Variants in SOD2 observed in about 807,000 individuals in gnomAD.
The protein encoded by SOD2 is superoxide dismutase [Mn], mitochondrial.
SOD2 carries 11 observed loss-of-function variants against 27.0 expected under a neutral mutation model. The observed-to-expected ratio is 0.41, with a 90% CI of 0.26 to 0.67. The LOEUF is 0.67. SOD2 is among the 30% of genes least tolerant of loss of function. SOD2 has a pLI of 0.34. For synonymous variants in SOD2, 105 were observed against 103.0 expected (o/e 1.02, Z -0.12); for missense variants, 250 against 274.5 (o/e 0.91, Z 0.63).
chr6:159,697,306 T>C (rs1777441302), upstream of SOD2, among the ~76,000 whole-genome samples: 1 of 151,810 alleles, frequency 6.6e-6, no homozygotes, highest in South Asian at 2.1e-4. Flanking sequence ...TTTTAAAATT[T>C]GGGGTCACAA....
intron 1 of SOD2, chr6:159,741,920 C>G (rs938978699): frequency 1.5e-5 from 8 of 533,750 alleles, no homozygotes; most frequent in Admixed American, 3.7e-5. Flanking sequence ...ACGCTGCACT[C>G]CAGCCTGGGG....
At chr6:159,724,334 C>T (rs759121385) in intron 1 of SOD2, among the ~76,000 whole-genome samples, 1 of 152,262 alleles carries the variant, frequency 6.6e-6, no homozygotes, top group South Asian at 2.1e-4. Context: ...TTCTCTCACA[C>T]ACTGCACATC....
chr6:159,702,654 C>CAAAAAAAAAAAAAAAAAAAAAAAAAA (rs750073120), intron 1 of SOD2, among the ~76,000 whole-genome samples: 4 of 39,854 alleles, frequency 1.0e-4, no homozygotes, highest in Non-Finnish European at 2.0e-4. Context: ...TCTATCTCTC[C>CAAAAAAAAAAAAAAAAAAAAAAAAAA]AAAAAAAAAA....
At chr6:159,695,695 C>T (rs1777410708), upstream of SOD2, among the ~76,000 whole-genome samples, 1 of 152,016 alleles carries the variant, frequency 6.6e-6, no homozygotes, top group Non-Finnish European at 1.5e-5. Flanking sequence ...AGAGTTTCTT[C>T]ATGTTGCCCA....
In SOD2 at chr6:159,713,244, C is replaced by T. The variant is rs1245272451; in HGVS notation, c.-116+13885G>A. 4.1e-5 allele frequency: 31 copies of T among 748,226 alleles called. No homozygotes were observed. The East Asian group carries it at 7.5e-4, about 18-fold the overall frequency. The allele number at this position is 748,226 out of a possible 1,614,324, so 46.3% of individuals were successfully genotyped here. A position where few individuals can be genotyped will look rare whatever the true frequency, so the allele number is the denominator to read the frequency against. ...AATCTATCAGACCTAAAGCCATATC[C>T]ATCATTACAGCCACGATAGTCATCA... On this transcript the variant is annotated intron_variant, in intron 1 of 2. Transcript: ENST00000401980.
At chr6:159,708,932 A>T (rs548430628) in intron 1 of SOD2, among the ~76,000 whole-genome samples, 1 of 152,324 alleles carries the variant, frequency 6.6e-6, no homozygotes, top group Non-Finnish European at 1.5e-5. Context: ...AGACCAATGG[A>T]ACAGAACAGA....
intron 1 of SOD2, chr6:159,739,115 G>A: frequency 8.0e-7 from 1 of 1,251,202 alleles, no homozygotes; most frequent in Non-Finnish European, 1.1e-6. Context: ...CACTGTAATT[G>A]TCTTTGTGCC....
chr6:159,732,884 ATAGT>A (rs1562452324), intron 1 of SOD2, among the ~76,000 whole-genome samples: 5 of 83,486 alleles, frequency 6.0e-5, no homozygotes, highest in South Asian at 5.4e-4. Context: ...GTATATATAT[ATAGT>A]GTGTGTGTGT....
upstream of SOD2, among the ~76,000 whole-genome samples, chr6:159,694,939 T>C (rs547381570): frequency 6.6e-6 from 1 of 151,382 alleles, no homozygotes; most frequent in East Asian, 1.9e-4. Flanking sequence ...AGAGCAGGGG[T>C]TTGATGTGAT....
chr6:159,685,078 C>T (rs5746128), intron 3 of SOD2, 45 bp from the exon 4 acceptor site: 2 of 1,436,094 alleles, frequency 1.4e-6, no homozygotes, highest in Admixed American at 2.4e-5. Context: ...GAACAGATTT[C>T]AATAATTACA....
chr6:159,743,645 A>T, intron 1 of SOD2: 2 of 1,556,888 alleles, frequency 1.3e-6, no homozygotes, highest in Non-Finnish European at 1.7e-6. Context: ...TGTATTTATA[A>T]TTTTTTTTTG....
chr6:159,727,234 T>A (rs1199703084), exon 1 of SOD2: 1 of 1,274,912 alleles, frequency 7.8e-7, no homozygotes, highest in Non-Finnish European at 1.0e-6. Flanking sequence ...GAGGCCCCGA[T>A]CGGGCTAGGC....
rs1431514512 is a variant in SOD2, at chr6:159,669,713, ACTTTT to A, written c.*12775_*12779del. The A allele has an allele frequency of 6.6e-6, 1 of 152,172 alleles. No individual in the cohort carries two copies. Among genetic ancestry groups the A allele is most frequent in the African/African-American group, 2.4e-5 (1 of 41,434 alleles). 9.4% of individuals were successfully genotyped at this position (152,172 alleles called of 1,614,324 possible). A position where few individuals can be genotyped will look rare whatever the true frequency, so the allele number is the denominator to read the frequency against. On this transcript the variant is annotated 3_prime_UTR_variant, in exon 5 of 5. Transcript: ENST00000538183. ...TTGATCCTTGTTTCATTACATAATG[ACTTTT>A]CTTTTTACAGTTTTTGACTTAAAGT...
At chr6:159,737,636 G>T (rs1463424289) in intron 1 of SOD2, among the ~76,000 whole-genome samples, 1 of 151,748 alleles carries the variant, frequency 6.6e-6, no homozygotes, top group African/African-American at 2.4e-5. Flanking sequence ...CAGACTACAG[G>T]TGTGCCACTA....
At chr6:159,685,304 A>G (rs907560229) in intron 3 of SOD2, among the ~76,000 whole-genome samples, 4 of 132,750 alleles carry the variant, frequency 3.0e-5, no homozygotes, top group Non-Finnish European at 4.6e-5. Flanking sequence ...GTGCAATGCC[A>G]TGATCTCGGG....
At chr6:159,748,077 G>A (rs1779682699), upstream of SOD2, 5 of 1,288,820 alleles carry the variant, frequency 3.9e-6, no homozygotes, top group South Asian at 7.7e-5. The surrounding 1 kb of genome is among the most constrained non-coding windows in gnomAD (Gnocchi z 5.6). Context: ...GGATCAAAGA[G>A]GGGAGGAGCT....
upstream of SOD2, among the ~76,000 whole-genome samples, chr6:159,694,616 GAC>G (rs1777382490): frequency 6.6e-6 from 1 of 151,958 alleles, no homozygotes; most frequent in Non-Finnish European, 1.5e-5. Context: ...TTATTTTTGA[GAC>G]ACAGCCTCGC....
chr6:159,695,064 G>A (rs1463780235), upstream of SOD2, among the ~76,000 whole-genome samples: 1 of 152,110 alleles, frequency 6.6e-6, no homozygotes, highest in Non-Finnish European at 1.5e-5. Context: ...AGGCTAGTTA[G>A]GAAGCTGGTA....
chr6:159,758,183 C>T (rs1780052481), intron 1 of SOD2, among the ~76,000 whole-genome samples: 1 of 151,674 alleles, frequency 6.6e-6, no homozygotes, highest in Non-Finnish European at 1.5e-5. Context: ...AATGTATCCT[C>T]GAGGCTCGAT....
Sources: gnomAD v4.1 joint callset for allele counts (sites outside exome capture counted in the v4.1 genomes callset) on GRCh38, gnomAD v4.1.1 for gene constraint, Gnocchi (gnomAD v3.1) non-coding constraint, MANE v1.5 for transcripts, NCBI Gene and HGNC (gene_info 2026-07-23, HGNC 2026-07-21) for gene names.